DNAH17: variants seen among roughly 807,000 people sequenced by gnomAD.
DNAH17 encodes the protein dynein axonemal heavy chain 17.
DNAH17 carries 376 observed loss-of-function variants against 485.6 expected under a neutral mutation model. The observed-to-expected ratio is 0.77, with a 90% confidence interval of 0.71 to 0.84. The LOEUF (loss-of-function observed/expected upper bound fraction) is 0.84, where lower values mean the gene tolerates loss of function less well. Among genes scored for constraint, DNAH17 ranks in the 40% least tolerant of loss-of-function variants. The pLI is 0.00. For synonymous variants in DNAH17, 3,031 were observed against 2,405.9 expected, an observed-to-expected ratio of 1.26 and a Z score of -7.60; for missense variants, 6,370 against 5,839.3, an observed-to-expected ratio of 1.09 and a Z score of -2.96.
chr17:78,561,782 T>G lies in DNAH17; in HGVS notation c.1768A>C (p.Lys590Gln). Residue 590 changes from lysine (K) to glutamine (Q), a missense_variant, in exon 12 of 81, where the codon AAA becomes CAA. Coordinates refer to ENST00000389840, the MANE Select transcript of DNAH17 (RefSeq NM_173628.4). ...CTCTCCTGCAGCTCCAGGCTCCATTTGAGCTGCCCGGCCACGGGAGGCATG... is the reference window on the plus strand; with the variant it reads ...CTCTCCTGCAGCTCCAGGCTCCATTGGAGCTGCCCGGCCACGGGAGGCATG... ...KNMPPVAGQLKWSLELQERLE... is the reference protein window; with the variant it reads ...KNMPPVAGQLQWSLELQERLE... 1 of 1,613,460 alleles carries G rather than the reference T, an allele frequency of 6.2e-7. No homozygotes were observed. Among genetic ancestry groups the G allele is most frequent in the Non-Finnish European group, 8.5e-7 (1 of 1,179,684 alleles).
At chr17:78,502,526 G>C (rs1169509090) in intron 33 of DNAH17, 65 bp downstream of exon 33, 2 of 1,434,474 alleles carry the variant, frequency 1.4e-6, no homozygotes, top group African/African-American at 1.4e-5. Flanking sequence ...AAGGATACAC[G>C]GGCCCATGCA....
chr17:78,573,460 A>C (rs1487097148), intron 2 of DNAH17, among the ~76,000 whole-genome samples: 1 of 152,038 alleles, frequency 6.6e-6, no homozygotes, highest in South Asian at 2.1e-4. Flanking sequence ...TTAGCCAGGC[A>C]TGGTGGCACC....
intron 25 of DNAH17, among the ~76,000 whole-genome samples, chr17:78,519,192 A>AAAAAAAAAT (rs1568188789): frequency 5.4e-5 from 8 of 147,136 alleles, no homozygotes; most frequent in African/African-American, 2.0e-4. Flanking sequence ...AAAAAAAAAA[A>AAAAAAAAAT]AGAAATGTAA....
Position 78,499,055 on chromosome 17 carries a change from C to G in DNAH17, c.5698G>C (p.Glu1900Gln). The change falls in exon 37 of 81, where the codon GAG becomes CAG. Residue 1900 changes from glutamate to glutamine, a missense_variant. Physicochemically the swap from Glu to Gln is conservative, Grantham distance 29. Coordinates refer to ENST00000389840, the MANE Select transcript of DNAH17 (RefSeq NM_173628.4). ...ACTTCCACTGAGATGCGATTAAACT[C>G]GTCAAAGCAGCCCCAGGCTCCCGTC... ...AQTGAWGCFD[E>Q]FNRISVEVLS... is the part of the protein sequence containing the mutation. 6.2e-7 allele frequency: 1 copy of G among 1,610,842 alleles called. No homozygotes were observed. Among genetic ancestry groups the G allele is most frequent in the East Asian group, 2.2e-5 (1 of 44,524 alleles).
intron 75 of DNAH17, among the ~76,000 whole-genome samples, chr17:78,432,285 G>A (rs550175892): frequency 5.9e-5 from 9 of 152,264 alleles, no homozygotes; most frequent in Middle Eastern, 3.4e-3. Context: ...CCGTCTCTCC[G>A]TGCTGAAAGT....
chr17:78,521,977 C>T (rs1170796312), intron 25 of DNAH17, among the ~76,000 whole-genome samples: 1 of 152,196 alleles, frequency 6.6e-6, no homozygotes, highest in Non-Finnish European at 1.5e-5. Context: ...CAGAGTGAGA[C>T]TCCGCCTCAA....
In DNAH17 at chr17:78,450,865, G is replaced by C. The variant is rs748602698; in HGVS notation, c.10735-19C>G. On this transcript the variant is annotated intron_variant, in intron 66 of 80. Transcript: ENST00000389840. Reference sequence around the variant, plus strand: ...GGTTTGCCTGCAAGGGGAGGTGCAGGAGTCACTGCATTGCCTGGCTCTGTC... The same window carrying C: ...GGTTTGCCTGCAAGGGGAGGTGCAGCAGTCACTGCATTGCCTGGCTCTGTC... The C allele has an allele frequency of 6.2e-7, 1 of 1,612,922 alleles. No individual in the cohort carries two copies. Among genetic ancestry groups the C allele is most frequent in the Non-Finnish European group, 8.5e-7 (1 of 1,179,184 alleles).
At chr17:78,504,378 T>C (rs2146731001) in intron 31 of DNAH17, among the ~76,000 whole-genome samples, 1 of 152,212 alleles carries the variant, frequency 6.6e-6, no homozygotes, top group African/African-American at 2.4e-5. Flanking sequence ...TTTTTCCTTT[T>C]AACTGGAAAC....
In DNAH17 at chr17:78,494,959, C is replaced by G. The variant is rs1405575057; in HGVS notation, c.6042G>C (p.Gln2014His). 1 of 1,610,820 alleles carries G rather than the reference C, an allele frequency of 6.2e-7. No individual in the cohort carries two copies. Among genetic ancestry groups the G allele is most frequent in the African/African-American group, 1.3e-5 (1 of 74,862 alleles). The change falls in exon 39 of 81, where the codon CAG becomes CAC. Residue 2014 changes from glutamine to histidine, a missense_variant and splice_region_variant. Gln to His is a conservative substitution (Grantham distance 24, BLOSUM62 0). Coordinates refer to ENST00000389840, the MANE Select transcript of DNAH17 (RefSeq NM_173628.4). The part of the protein sequence containing the change: ...YTLCKELLSK[Q>H]DHYDWGLRAI... ...GCCGTGAGCTCCAGGACACACACACCTGCTTCGAGAGCAGCTCCTTGCACA... is the reference window on the plus strand; with the variant it reads ...GCCGTGAGCTCCAGGACACACACACGTGCTTCGAGAGCAGCTCCTTGCACA...
Position 78,494,293 on chromosome 17 carries a change from T to A in DNAH17, c.6271-120A>T, listed in dbSNP as rs192554449. 2.9e-6 allele frequency: 4 copies of A among 1,391,852 alleles called. No individual in the cohort carries two copies. The East Asian group carries it at 7.2e-5, about 25-fold the overall frequency. The allele number at this position is 1,391,852 out of a possible 1,614,324, so 86.2% of individuals were successfully genotyped here. A position where few individuals can be genotyped will look rare whatever the true frequency, so the allele number is the denominator to read the frequency against. On this transcript the variant is annotated intron_variant, in intron 40 of 80. Coordinates refer to ENST00000389840, the MANE Select transcript of DNAH17 (RefSeq NM_173628.4). ...TGATAAAGGCGCCCTTGCCCTCCGATGCACGTGCGTCTGCAAGTTCTGCTG... is the reference window on the plus strand; with the variant it reads ...TGATAAAGGCGCCCTTGCCCTCCGAAGCACGTGCGTCTGCAAGTTCTGCTG...
chr17:78,465,419 C>T (rs1452707727), intron 56 of DNAH17, among the ~76,000 whole-genome samples: 9 of 149,284 alleles, frequency 6.0e-5, no homozygotes, highest in African/African-American at 2.0e-4. Flanking sequence ...AGCCCCTCTG[C>T]CTGGCTGCCC....
chr17:78,516,524 T>TA (rs956821455), intron 25 of DNAH17, among the ~76,000 whole-genome samples: 12 of 151,446 alleles, frequency 7.9e-5, no homozygotes, highest in South Asian at 2.1e-4. Context: ...CCATCTCTAC[T>TA]AAAAAAAATA....
At position 78,454,567 on chromosome 17, in the gene DNAH17, G is replaced by T. The variant is rs763820523; in HGVS notation, c.10309C>A (p.Arg3437=). Reference sequence around the variant, plus strand: ...TGGGCGTCCACGATCAGCGGCCACCGCTCGGTGTTGCCCAGGATGGTGGCA... The same window carrying T: ...TGGGCGTCCACGATCAGCGGCCACCTCTCGGTGTTGCCCAGGATGGTGGCA... ...ENATILGNTE[R]WPLIVDAQLQ... is the part of the protein sequence containing the mutation. Residue 3437 remains arginine (R), a synonymous_variant, in exon 64 of 81, where the codon CGG becomes AGG. Coordinates refer to ENST00000389840, the MANE Select transcript of DNAH17 (RefSeq NM_173628.4). The T allele has an allele frequency of 6.2e-7, 1 of 1,613,050 alleles. No homozygotes were observed. The highest frequency in any genetic ancestry group is 8.5e-7 in the Non-Finnish European group (1 of 1,179,844).
intron 19 of DNAH17, among the ~76,000 whole-genome samples, chr17:78,533,504 G>C (rs1276682311): frequency 6.6e-6 from 1 of 152,156 alleles, no homozygotes; most frequent in Non-Finnish European, 1.5e-5. Context: ...TCGGTGGCTA[G>C]AGCAGAGAGC....
chr17:78,501,001 G>T, intron 35 of DNAH17, 183 bp downstream of exon 35: 1 of 628,748 alleles, frequency 1.6e-6, no homozygotes, highest in East Asian at 3.2e-5. Context: ...ACTCTCCCAA[G>T]GCCACACAGC....
At chr17:78,484,739 A>ACCCCCCCC in intron 48 of DNAH17, 129 bp downstream of exon 48, 3 of 347,796 alleles carry the variant, frequency 8.6e-6, no homozygotes, top group East Asian at 6.2e-5. Context: ...ACGTTGCAGC[A>ACCCCCCCC]CCCCCCCCAC....
rs376545206 is a variant in DNAH17 at position 78,468,890 on chromosome 17, G to A, written c.8512-7C>T. On this transcript the variant is annotated splice_polypyrimidine_tract_variant and splice_region_variant and intron_variant, in intron 54 of 80. Transcript: ENST00000389840. Reference sequence around the variant, plus strand: ...ACTGAGCAGCGAGGTCAATCTGGACGGAGTGAGGACACGCTTAGGGGCCTT... The same window carrying A: ...ACTGAGCAGCGAGGTCAATCTGGACAGAGTGAGGACACGCTTAGGGGCCTT... 124 of 1,610,902 alleles carry A rather than the reference G, an allele frequency of 7.7e-5. No homozygotes were observed. Among genetic ancestry groups the A allele is most frequent in the Middle Eastern group, 1.6e-4 (1 of 6,076 alleles).
intron 16 of DNAH17, among the ~76,000 whole-genome samples, chr17:78,546,379 T>C (rs868392128): frequency 5.9e-5 from 9 of 152,226 alleles, no homozygotes; most frequent in Non-Finnish European, 1.0e-4. Context: ...AAACAATCTA[T>C]TTTGCTTTTA....
At chr17:78,444,885 G>T in intron 70 of DNAH17, 88 bp from the exon 71 acceptor site, 1 of 1,312,108 alleles carries the variant, frequency 7.6e-7, no homozygotes. Context: ...AGGAGGAGAG[G>T]CCATTACCCT....
Sources: allele counts gnomAD v4.1 joint callset (sites outside exome capture counted in the v4.1 genomes callset), GRCh38; gene constraint gnomAD v4.1.1; transcripts MANE v1.5; gene names NCBI Gene and HGNC (gene_info 2026-07-23, HGNC 2026-07-21).